MEF2A: variants seen among roughly 807,000 people sequenced by gnomAD.
MEF2A encodes myocyte enhancer factor 2A.
Under a neutral mutation model 55.8 loss-of-function variants are expected in MEF2A, and 28 were observed. The ratio of observed to expected loss-of-function variants is 0.50; its 90% CI spans 0.37 to 0.69. The LOEUF is 0.69. Ranked by LOEUF, MEF2A falls within the 30% of genes least tolerant of loss-of-function variation. The pLI is 0.00. For missense variants in MEF2A, 528 were observed against 626.2 expected (o/e 0.84, Z 1.67); for synonymous variants, 239 against 227.1 (o/e 1.05, Z -0.47).
In MEF2A at chr15:99,670,780, T is replaced by C. The variant is rs575090061; in HGVS notation, c.259-543T>C. ...GAGTCATTGCAGACATAAATAATTA[T>C]CAAGTTTGTTGTATTTCAAAGTTAT... On this transcript the variant is annotated intron_variant, in intron 4 of 11. Coordinates refer to ENST00000557942, the MANE Select transcript of MEF2A (RefSeq NM_001319206.4). Among the ~76,000 whole-genome samples, 4 of 152,324 alleles carry C rather than the reference T, an allele frequency of 2.6e-5. No homozygotes were observed. In the East Asian group the frequency reaches 7.7e-4, roughly 29 times the overall value.
intron 4 of MEF2A, among the ~76,000 whole-genome samples, chr15:99,669,832 A>G (rs886875256): frequency 6.6e-6 from 1 of 152,260 alleles, no homozygotes; most frequent in South Asian, 2.1e-4. Context: ...ATTGCTAATC[A>G]TATTTTAAAG....
intron 8 of MEF2A, among the ~76,000 whole-genome samples, chr15:99,699,191 T>C (rs1276107701): frequency 6.6e-6 from 1 of 152,186 alleles, no homozygotes; most frequent in African/African-American, 2.4e-5. Flanking sequence ...GAAACTAGCC[T>C]AGATGTCCTT....
At chr15:99,596,097 T>C (rs74427558) in intron 1 of MEF2A, among the ~76,000 whole-genome samples, 3,506 of 152,236 alleles carry the variant, frequency 0.023, 135 homozygotes, top group African/African-American at 0.08. Flanking sequence ...TTTTTTACAG[T>C]ATTGTCTTTT....
intron 3 of MEF2A, among the ~76,000 whole-genome samples, chr15:99,641,330 A>G (rs1314852349): frequency 6.6e-6 from 1 of 152,180 alleles, no homozygotes; most frequent in Non-Finnish European, 1.5e-5. Context: ...GTCTGTCTGC[A>G]TCAGCATGGC....
At chr15:99,631,232 G>A (rs1373229796) in intron 2 of MEF2A, among the ~76,000 whole-genome samples, 1 of 152,166 alleles carries the variant, frequency 6.6e-6, no homozygotes, top group African/African-American at 2.4e-5. Flanking sequence ...TATCTTGCAT[G>A]CCTTAGCGAT....
chr15:99,633,147 C>T lies in MEF2A; in HGVS notation c.28C>T (p.Arg10Cys), dbSNP rs755726096. 3.1e-6 allele frequency: 5 copies of T among 1,592,188 alleles called. No individual in the cohort carries two copies. The highest frequency in any genetic ancestry group is 1.8e-5 in the Admixed American group (1 of 56,938). MGRKKIQIT[R>C]IMDERNRQVT... ...GGGGCGGAAGAAAATACAAATCACA[C>T]GCATAATGGATGAAAGGAACCGACA... Residue 10 changes from arginine (R) to cysteine (C), a missense_variant, in exon 3 of 12, where the codon CGC (arginine) becomes TGC (cysteine). By Grantham distance (180) the Arg-to-Cys change is radical (BLOSUM62 -3). Transcript: ENST00000557942.
At chr15:99,586,183 A>C (rs1886850313) in intron 1 of MEF2A, among the ~76,000 whole-genome samples, 1 of 152,170 alleles carries the variant, frequency 6.6e-6, no homozygotes, top group Non-Finnish European at 1.5e-5. Flanking sequence ...TTCTTGGGTG[A>C]ATATTATACC....
intron 2 of MEF2A, among the ~76,000 whole-genome samples, chr15:99,616,795 C>T (rs1275929284): frequency 2.6e-5 from 4 of 151,966 alleles, no homozygotes; most frequent in African/African-American, 7.3e-5. Flanking sequence ...GGTTTTCTTT[C>T]GGTCGATGGG....
chr15:99,686,936 G>A (rs2054347777), intron 7 of MEF2A, among the ~76,000 whole-genome samples: 1 of 149,094 alleles, frequency 6.7e-6, no homozygotes, highest in Admixed American at 6.7e-5. Flanking sequence ...TTTTTAATTT[G>A]TCTTTGTTCG....
At chr15:99,567,173 CAT>C (rs1445945291) in intron 1 of MEF2A, among the ~76,000 whole-genome samples, 1 of 152,218 alleles carries the variant, frequency 6.6e-6, no homozygotes, top group Non-Finnish European at 1.5e-5. Context: ...TTGAATATAA[CAT>C]AGTGTTAACC....
intron 2 of MEF2A, among the ~76,000 whole-genome samples, chr15:99,610,750 C>T (rs948173216): frequency 3.3e-5 from 5 of 152,162 alleles, no homozygotes; most frequent in East Asian, 3.9e-4. Context: ...GTTCAGACCT[C>T]TAACACTATA....
intron 1 of MEF2A, among the ~76,000 whole-genome samples, chr15:99,596,368 G>A (rs1247702319): frequency 1.3e-5 from 2 of 149,574 alleles, no homozygotes; most frequent in Non-Finnish European, 3.0e-5. Flanking sequence ...TGAAATTGGT[G>A]TTTTAAAGTA....
chr15:99,605,160 C>T (rs893385242), intron 2 of MEF2A, among the ~76,000 whole-genome samples: 2 of 152,134 alleles, frequency 1.3e-5, no homozygotes, highest in African/African-American at 4.8e-5. Flanking sequence ...GCTGGCCAGG[C>T]TGGTCTCGAA....
chr15:99,575,078 ATTG>A (rs1390143460), intron 1 of MEF2A, among the ~76,000 whole-genome samples: 1 of 151,702 alleles, frequency 6.6e-6, no homozygotes, highest in East Asian at 1.9e-4. Context: ...AATTATTTTT[ATTG>A]TTGAACCATT....
At chr15:99,611,869 C>T (rs1350571110) in intron 2 of MEF2A, among the ~76,000 whole-genome samples, 1 of 152,112 alleles carries the variant, frequency 6.6e-6, no homozygotes, top group African/African-American at 2.4e-5. Context: ...AATGTTATAA[C>T]CCAGATGAAC....
At chr15:99,597,289 G>T (rs1971520419) in intron 1 of MEF2A, among the ~76,000 whole-genome samples, 1 of 152,052 alleles carries the variant, frequency 6.6e-6, no homozygotes, top group South Asian at 2.1e-4. Context: ...CTCTGAACTG[G>T]CCCCCCGGGT....
At chr15:99,647,523 C>G (rs1334139348) in intron 4 of MEF2A, among the ~76,000 whole-genome samples, 2 of 152,140 alleles carry the variant, frequency 1.3e-5, no homozygotes, top group African/African-American at 4.8e-5. Context: ...GCTTACTTCC[C>G]TAGAGAATAC....
chr15:99,634,196 T>C (rs993648892), intron 3 of MEF2A, among the ~76,000 whole-genome samples: 3 of 152,120 alleles, frequency 2.0e-5, no homozygotes, highest in Non-Finnish European at 4.4e-5. Context: ...AATATAGATA[T>C]AATTGGAGAT....
intron 1 of MEF2A, among the ~76,000 whole-genome samples, chr15:99,567,915 T>C (rs540186836): frequency 6.6e-6 from 1 of 152,328 alleles, no homozygotes; most frequent in African/African-American, 2.4e-5. Context: ...GGTGTTACAA[T>C]AATCAAAAGT....
Sources: gnomAD v4.1 joint callset for allele counts (sites outside exome capture counted in the v4.1 genomes callset) on GRCh38, gnomAD v4.1.1 for gene constraint, MANE v1.5 for transcripts, NCBI Gene and HGNC (gene_info 2026-07-23, HGNC 2026-07-21) for gene names.